The following DISC1 variants were observed in gnomAD, a reference collection of about 807,000 sequenced individuals.
DISC1 encodes the protein DISC1 scaffold protein, also known as disrupted in schizophrenia 1 protein.
DISC1 carries 57 observed loss-of-function variants against 84.5 expected under a neutral mutation model. The ratio of observed to expected loss-of-function variants is 0.67; its 90% confidence interval spans 0.55 to 0.84. The LOEUF is 0.84. Ranked by LOEUF, DISC1 falls within the 40% of genes least tolerant of loss-of-function variation. The probability of loss-of-function intolerance (pLI) is 0.00; values close to 1 mark genes in which losing one functional copy is unlikely to be tolerated. For missense variants in DISC1, 1,000 were observed against 1,057.8 expected (o/e 0.95, Z 0.76); for synonymous variants, 411 against 415.2 (o/e 0.99, Z 0.12).
intron 8 of DISC1, among the ~76,000 whole-genome samples, chr1:231,808,149 G>T (rs926014237): frequency 6.6e-6 from 1 of 152,160 alleles, no homozygotes; most frequent in African/African-American, 2.4e-5. Flanking sequence ...TAAAAATACT[G>T]GTACCCAGGC....
At chr1:231,886,753 T>TCC (rs1333052506) in intron 9 of DISC1, among the ~76,000 whole-genome samples, 5 of 119,112 alleles carry the variant, frequency 4.2e-5, no homozygotes, top group Non-Finnish European at 7.2e-5. Flanking sequence ...CTTTCTTCCT[T>TCC]TCTTCCTTCC....
chr1:232,032,493 G>A (rs568900798), intron 12 of DISC1, among the ~76,000 whole-genome samples: 1 of 152,304 alleles, frequency 6.6e-6, no homozygotes, highest in South Asian at 2.1e-4. Flanking sequence ...CTACCATGTG[G>A]ATAGTCTATT....
chr1:231,975,026 G>A (rs1662586949), intron 10 of DISC1, among the ~76,000 whole-genome samples: 2 of 152,160 alleles, frequency 1.3e-5, no homozygotes, highest in African/African-American at 4.8e-5. Context: ...CTTGAACCTG[G>A]GAGGCAAGGT....
Position 231,694,571 on chromosome 1 carries a change from A to G in DISC1, c.813A>G (p.Thr271=), listed in dbSNP as rs768870892. The part of the protein sequence containing the change: ...CLSRPFSLLA[T]RVSADLAQAA... ...CTCGGCCCTTCAGTCTCTTGGCTAC[A>G]CGGGTCTCTGCAGACTTGGCCCAGG... The change falls in exon 2 of 13, where the codon ACA becomes ACG. Residue 271 remains threonine, a synonymous_variant. Transcript: ENST00000439617. The G allele has an allele frequency of 6.2e-7, 1 of 1,614,220 alleles. No individual in the cohort carries two copies. The highest frequency in any genetic ancestry group is 1.1e-5 in the South Asian group (1 of 91,088).
intron 9 of DISC1, among the ~76,000 whole-genome samples, chr1:231,878,882 T>C (rs2086079228): frequency 6.6e-6 from 1 of 152,190 alleles, no homozygotes. Flanking sequence ...AGTCATACCA[T>C]ATTTATTCTC....
At chr1:231,988,706 A>G (rs915045487) in intron 10 of DISC1, among the ~76,000 whole-genome samples, 3 of 152,218 alleles carry the variant, frequency 2.0e-5, no homozygotes, top group Admixed American at 2.0e-4. Flanking sequence ...TTTATAAGCC[A>G]CCCAGTTTAT....
chr1:231,836,830 C>G (rs1574173276), intron 9 of DISC1, among the ~76,000 whole-genome samples: 1 of 152,186 alleles, frequency 6.6e-6, no homozygotes, highest in African/African-American at 2.4e-5. Context: ...CGCCCCTCCC[C>G]GTGTGATCTG....
At chr1:231,879,419 C>T (rs1407700640) in intron 9 of DISC1, among the ~76,000 whole-genome samples, 1 of 151,994 alleles carries the variant, frequency 6.6e-6, no homozygotes, top group Non-Finnish European at 1.5e-5. Flanking sequence ...TGTACTCCCA[C>T]CAGCAATGCA....
chr1:231,907,207 T>C (rs1184877444), intron 9 of DISC1, among the ~76,000 whole-genome samples: 1 of 150,302 alleles, frequency 6.7e-6, no homozygotes, highest in Non-Finnish European at 1.5e-5. Context: ...AGGGTACATG[T>C]GCACAACGTG....
chr1:231,921,619 A>G (rs112503959), intron 9 of DISC1, among the ~76,000 whole-genome samples: 67 of 152,274 alleles, frequency 4.4e-4, no homozygotes, highest in African/African-American at 1.6e-3. Context: ...CTCACTGGCT[A>G]CTTGTGTCCT....
At chr1:231,679,977 C>G (rs1054471247) in intron 1 of DISC1, among the ~76,000 whole-genome samples, 36 of 152,180 alleles carry the variant, frequency 2.4e-4, no homozygotes, top group African/African-American at 8.7e-4. Flanking sequence ...CCTGTAATCC[C>G]AGCACTTTGG....
At chr1:231,969,186 G>GTTTTTTTTTTTTTT (rs71573149) in intron 10 of DISC1, among the ~76,000 whole-genome samples, 4 of 91,672 alleles carry the variant, frequency 4.4e-5, no homozygotes, top group Admixed American at 1.4e-4. Flanking sequence ...ACACTCAGCG[G>GTTTTTTTTTTTTTT]TTTTTTTTTT....
chr1:231,995,852 A>G lies in DISC1; in HGVS notation c.2043-12933A>G, dbSNP rs563854825. Among the ~76,000 whole-genome samples the G allele has an allele frequency of 6.6e-5, 10 of 151,548 alleles. No homozygotes were observed. The East Asian group carries it at 1.9e-3, about 29-fold the overall frequency. On this transcript the variant is annotated intron_variant, in intron 10 of 12. Transcript: ENST00000439617. ...ATGATTTATAGTCCTTTGGGTATAT[A>G]CCCAGTAATGGGATGGCTGGGTCAA... is the stretch of plus-strand genomic sequence containing the variant.
intron 10 of DISC1, chr1:231,959,155 T>C: frequency 3.5e-6 from 4 of 1,127,636 alleles, no homozygotes; most frequent in Non-Finnish European, 4.3e-6. Flanking sequence ...AGAAGAATCT[T>C]CTTTACTATA....
At position 231,986,142 on chromosome 1, in the gene DISC1, G is replaced by A. The variant is rs145908760; in HGVS notation, c.2043-22643G>A. On this transcript the variant is annotated intron_variant, in intron 10 of 12. Transcript: ENST00000439617. ...TGAAAGAATGCATAAAAAGTGCCTC[G>A]TACCCTGCCACGCACAGAGAGGGTG... 2.5e-3 allele frequency among the ~76,000 whole-genome samples: 388 copies of A among 152,254 alleles called. 8 individuals carry two copies. Among genetic ancestry groups the A allele is most frequent in the East Asian group, 4.4e-3 (23 of 5,182 alleles).
Position 231,954,607 on chromosome 1 carries a change from C to T in DISC1, c.1982-4221C>T, listed in dbSNP as rs1659087477. Reference sequence around the variant, plus strand: ...TTGTATTCAGCATTTCTTTGAGCGCCCTCTTTGCTTCTTGGAACCTTGCCT... The same window carrying T: ...TTGTATTCAGCATTTCTTTGAGCGCTCTCTTTGCTTCTTGGAACCTTGCCT... On this transcript the variant is annotated intron_variant, in intron 9 of 12. Transcript: ENST00000439617. This position sits in a 1 kb window ranked among gnomAD's most constrained non-coding sequence, Gnocchi z 4.8. Among the ~76,000 whole-genome samples the T allele has an allele frequency of 6.6e-6, 1 of 152,062 alleles. No homozygotes were observed. The highest frequency in any genetic ancestry group is 2.1e-4 in the South Asian group (1 of 4,816).
chr1:232,024,649 G>A (rs1669282116), intron 11 of DISC1, among the ~76,000 whole-genome samples: 1 of 151,750 alleles, frequency 6.6e-6, no homozygotes, highest in Admixed American at 6.6e-5. Context: ...CTGGAGTGCA[G>A]TGGCATGATC....
chr1:232,030,050 G>A (rs1328622954), intron 12 of DISC1, among the ~76,000 whole-genome samples: 1 of 152,196 alleles, frequency 6.6e-6, no homozygotes, highest in Non-Finnish European at 1.5e-5. Flanking sequence ...AGCTACTGTG[G>A]CAGCGAGTGT....
At chr1:231,998,475 T>C (rs200078409) in intron 10 of DISC1, among the ~76,000 whole-genome samples, 130 of 152,266 alleles carry the variant, frequency 8.5e-4, no homozygotes, top group Non-Finnish European at 1.6e-3. Context: ...AACATTTATG[T>C]AAAACAATGA....
Sources: allele counts gnomAD v4.1 joint callset (sites outside exome capture counted in the v4.1 genomes callset), GRCh38; gene constraint gnomAD v4.1.1; non-coding constraint Gnocchi (gnomAD v3.1); transcripts MANE v1.5; gene names NCBI Gene and HGNC (gene_info 2026-07-23, HGNC 2026-07-21).